CAND1: variants seen among roughly 807,000 people sequenced by gnomAD.
CAND1 encodes cullin associated and neddylation dissociated 1.
CAND1 carries 7 observed loss-of-function variants against 108.5 expected under a neutral mutation model. The ratio of observed to expected loss-of-function variants is 0.06; its 90% CI spans 0.04 to 0.12. The LOEUF (loss-of-function observed/expected upper bound fraction) is 0.12. Ranked by LOEUF, CAND1 falls within the 10% of genes least tolerant of loss-of-function variation. The pLI is 1.00. For missense variants in CAND1, 941 were observed against 1,448.7 expected (o/e 0.65, Z 5.69); for synonymous variants, 534 against 512.0 (o/e 1.04, Z -0.58).
At chr12:67,297,169 A>G (rs2044777514) in intron 4 of CAND1, 2 of 568,130 alleles carry the variant, frequency 3.5e-6, no homozygotes, top group Admixed American at 6.2e-5. Flanking sequence ...TTGGGGATTT[A>G]GGTCTAGATT....
intron 1 of CAND1, among the ~76,000 whole-genome samples, chr12:67,271,678 A>T (rs2044522240): frequency 6.6e-6 from 1 of 152,228 alleles, no homozygotes; most frequent in African/African-American, 2.4e-5. Flanking sequence ...AAGATTATGT[A>T]TGAATTTTGG....
chr12:67,308,322 G>A (rs1396202962), intron 11 of CAND1, among the ~76,000 whole-genome samples: 1 of 152,044 alleles, frequency 6.6e-6, no homozygotes, highest in Admixed American at 6.6e-5. Context: ...GAAAGCACAG[G>A]CACAAATGGG....
In CAND1 at chr12:67,272,234, C is replaced by T. The variant is rs570219925; in HGVS notation, c.68+2449C>T. Reference sequence around the variant, plus strand: ...CAAAATGAAGAGCAAATTTTATTATCCTCATGGTAGAATCCAAAGAGAATT... The same window carrying T: ...CAAAATGAAGAGCAAATTTTATTATTCTCATGGTAGAATCCAAAGAGAATT... On this transcript the variant is annotated intron_variant, in intron 1 of 14. Transcript: ENST00000545606. Among the ~76,000 whole-genome samples, 6 of 152,320 alleles carry T rather than the reference C, an allele frequency of 3.9e-5. No individual in the cohort carries two copies. The South Asian group carries it at 1.0e-3, about 26-fold the overall frequency.
chr12:67,282,866 G>A (rs1473018508), intron 2 of CAND1, among the ~76,000 whole-genome samples: 1 of 152,168 alleles, frequency 6.6e-6, no homozygotes, highest in Non-Finnish European at 1.5e-5. Context: ...TTGTCTTTGT[G>A]TATACATTGC....
chr12:67,299,289 A>G (rs1276518513), intron 7 of CAND1, among the ~76,000 whole-genome samples, 194 bp downstream of exon 7: 5 of 152,202 alleles, frequency 3.3e-5, no homozygotes, highest in Admixed American at 6.5e-5. Flanking sequence ...ACATTAAAAA[A>G]TCATGTCTAA....
intron 2 of CAND1, among the ~76,000 whole-genome samples, chr12:67,290,484 C>T (rs138642584): frequency 6.6e-6 from 1 of 152,002 alleles, no homozygotes; most frequent in African/African-American, 2.4e-5. Flanking sequence ...GCACTCCAGC[C>T]TGGCGACAAA....
intron 1 of CAND1, among the ~76,000 whole-genome samples, chr12:67,280,898 T>C (rs1402188430): frequency 6.6e-6 from 1 of 151,968 alleles, no homozygotes; most frequent in Non-Finnish European, 1.5e-5. Context: ...AGGTGGGCGA[T>C]GTCAGGGGGA....
intron 1 of CAND1, among the ~76,000 whole-genome samples, chr12:67,276,325 G>A (rs17103652): frequency 0.054 from 8,153 of 152,124 alleles, 724 homozygotes; most frequent in African/African-American, 0.19. Flanking sequence ...CATCTATTTG[G>A]TATATTTTTT....
intron 8 of CAND1, among the ~76,000 whole-genome samples, chr12:67,303,887 T>C (rs2044850758): frequency 6.6e-6 from 1 of 152,158 alleles, no homozygotes; most frequent in Admixed American, 6.5e-5. Context: ...ATTTGTCTTG[T>C]TTCCTTTGAT....
rs1436257789 is a variant in CAND1, at chr12:67,306,243, T to A, written c.2575T>A (p.Ser859Thr). The A allele has an allele frequency of 6.2e-7, 1 of 1,613,984 alleles. No individual in the cohort carries two copies. Among genetic ancestry groups the A allele is most frequent in the Non-Finnish European group, 8.5e-7 (1 of 1,180,000 alleles). ...IDLSGQLELKSVILEAFSSPS... is the reference protein window; with the variant it reads ...IDLSGQLELKTVILEAFSSPS... ...CTTAAGTGGACAGTTGGAACTAAAA[T>A]CTGTAATACTAGAAGCTTTCTCATC... Residue 859 changes from serine (S) to threonine (T), a missense_variant, in exon 10 of 15, where the codon TCT becomes ACT. Physicochemically the swap from Ser to Thr is moderately conservative, Grantham distance 58 (BLOSUM62 1). Transcript: ENST00000545606.
At chr12:67,308,122 GC>G (rs1314691723) in intron 11 of CAND1, among the ~76,000 whole-genome samples, 1 of 151,920 alleles carries the variant, frequency 6.6e-6, no homozygotes, top group Non-Finnish European at 1.5e-5. Context: ...TTTGATAATA[GC>G]CAAAAACACC....
chr12:67,309,763 C>A, intron 11 of CAND1, 138 bp from the exon 12 acceptor site: 1 of 574,368 alleles, frequency 1.7e-6, no homozygotes, highest in Non-Finnish European at 3.0e-6. Flanking sequence ...AGTGTTTCAT[C>A]AGGTTCTTCC....
Position 67,311,725 on chromosome 12 carries a change from T to C in CAND1, c.3393T>C (p.Ser1131=). 6.2e-7 allele frequency: 1 copy of C among 1,610,660 alleles called. No homozygotes were observed. Among genetic ancestry groups the C allele is most frequent in the Non-Finnish European group, 8.5e-7 (1 of 1,176,932 alleles). Residue 1131 remains serine, a synonymous_variant, in exon 14 of 15, where the codon TCT becomes TCC. Transcript: ENST00000545606. ...MLTFLMLVRL[S]TLCPSAVLQR... is the part of the protein sequence containing the mutation. ...CATTTTTAATGTTGGTGAGACTGTCTACCCTTTGTCCAAGTGCAGTACTGC... is the reference window on the plus strand; with the variant it reads ...CATTTTTAATGTTGGTGAGACTGTCCACCCTTTGTCCAAGTGCAGTACTGC...
At chr12:67,295,683 C>T (rs756381110) in intron 4 of CAND1, among the ~76,000 whole-genome samples, 45 of 152,138 alleles carry the variant, frequency 3.0e-4, no homozygotes, top group Non-Finnish European at 2.9e-5. Context: ...CTGTCAATTT[C>T]TGATTCTCAT....
chr12:67,312,553 C>A, intron 14 of CAND1, 53 bp from the exon 15 acceptor site: 3 of 1,224,496 alleles, frequency 2.4e-6, no homozygotes, highest in Non-Finnish European at 3.4e-6. Context: ...AAATTTTGTT[C>A]ATGTAAGAGC....
At chr12:67,310,342 A>C (rs761666870) in intron 13 of CAND1, 26 bp downstream of exon 13, 2 of 1,525,780 alleles carry the variant, frequency 1.3e-6, no homozygotes, top group Admixed American at 3.6e-5. Context: ...CTATTTATAC[A>C]ATGTTTTAGA....
chr12:67,299,586 A>G (rs2044803883), intron 7 of CAND1, among the ~76,000 whole-genome samples: 1 of 152,118 alleles, frequency 6.6e-6, no homozygotes, highest in Non-Finnish European at 1.5e-5. Context: ...AAAGAATATT[A>G]GTTTGTTTAT....
At chr12:67,274,418 C>G (rs12301230) in intron 1 of CAND1, among the ~76,000 whole-genome samples, 8 of 152,104 alleles carry the variant, frequency 5.3e-5, no homozygotes, top group African/African-American at 1.9e-4. Flanking sequence ...GTAAAGCACA[C>G]GATACAAAAC....
chr12:67,309,705 C>A (rs1391098255), intron 11 of CAND1, among the ~76,000 whole-genome samples, 196 bp from the exon 12 acceptor site: 2 of 151,996 alleles, frequency 1.3e-5, no homozygotes, highest in Non-Finnish European at 2.9e-5. Context: ...TATTCACCTT[C>A]AGAAATGATA....
Sources: allele counts gnomAD v4.1 joint callset (sites outside exome capture counted in the v4.1 genomes callset), GRCh38; gene constraint gnomAD v4.1.1; transcripts MANE v1.5; gene names NCBI Gene and HGNC (gene_info 2026-07-23, HGNC 2026-07-21).